Variants in CFAP299 observed in about 807,000 individuals in gnomAD.
CFAP299 encodes cilia- and flagella-associated protein 299.
Under a neutral mutation model 27.0 loss-of-function variants are expected in CFAP299, and 21 were observed. The ratio of observed to expected loss-of-function variants is 0.78; its 90% CI spans 0.55 to 1.12. The LOEUF (loss-of-function observed/expected upper bound fraction) is 1.12. CFAP299 is among the 50% of genes most tolerant of loss of function. The probability of loss-of-function intolerance (pLI) is 0.00; values close to 1 mark genes in which losing one functional copy is unlikely to be tolerated. For missense variants in CFAP299, 310 were observed against 276.6 expected (o/e 1.12, Z -0.86); for synonymous variants, 104 against 98.1 (o/e 1.06, Z -0.36).
intron 2 of CFAP299, among the ~76,000 whole-genome samples, chr4:80,549,205 T>C (rs1271038379): frequency 6.6e-6 from 1 of 152,096 alleles, no homozygotes; most frequent in Non-Finnish European, 1.5e-5. Flanking sequence ...TAAACTATTC[T>C]GGCTTCAGTA....
At chr4:80,694,790 G>C (rs190955078) in intron 3 of CFAP299, among the ~76,000 whole-genome samples, 3 of 152,280 alleles carry the variant, frequency 2.0e-5, no homozygotes, top group African/African-American at 7.2e-5. Flanking sequence ...GAAATTGCTA[G>C]TTTGTTTTTG....
At chr4:80,333,974 G>A (rs1017208317), upstream of CFAP299, among the ~76,000 whole-genome samples, 1 of 152,166 alleles carries the variant, frequency 6.6e-6, no homozygotes, top group Non-Finnish European at 1.5e-5. Context: ...AAGGACAATT[G>A]AGTTATACGC....
At chr4:80,637,530 A>G (rs1739510222) in intron 3 of CFAP299, among the ~76,000 whole-genome samples, 1 of 152,090 alleles carries the variant, frequency 6.6e-6, no homozygotes. Flanking sequence ...TGCAACCCAA[A>G]GATCGAGTTT....
At chr4:80,372,484 C>T (rs1274685341) in intron 2 of CFAP299, among the ~76,000 whole-genome samples, 1 of 152,218 alleles carries the variant, frequency 6.6e-6, no homozygotes, top group Non-Finnish European at 1.5e-5. Context: ...AGGAGAAAAG[C>T]CAAACTCTGG....
Position 80,664,282 on chromosome 4 carries a change from A to G in CFAP299, c.333+81099A>G, listed in dbSNP as rs533300349. On this transcript the variant is annotated intron_variant, in intron 3 of 5. Transcript: ENST00000358105. ...GCTCGAGCACTATGCTGGGAGATCCATTGCTCTCTTCAGATCCAGCAGGCA... is the reference window on the plus strand; with the variant it reads ...GCTCGAGCACTATGCTGGGAGATCCGTTGCTCTCTTCAGATCCAGCAGGCA... Among the ~76,000 whole-genome samples the G allele has an allele frequency of 2.6e-5, 4 of 152,198 alleles. No individual in the cohort carries two copies. The East Asian group carries it at 7.7e-4, about 29-fold the overall frequency.
At chr4:80,707,448 G>A (rs972013591) in intron 3 of CFAP299, among the ~76,000 whole-genome samples, 44 of 151,890 alleles carry the variant, frequency 2.9e-4, no homozygotes, top group African/African-American at 1.0e-3. Flanking sequence ...ACAATGTTAA[G>A]AAACCACCAC....
At chr4:80,427,634 C>T (rs1051662194) in intron 2 of CFAP299, among the ~76,000 whole-genome samples, 5 of 152,066 alleles carry the variant, frequency 3.3e-5, no homozygotes, top group South Asian at 4.1e-4. Flanking sequence ...TTATGTGGCC[C>T]GTGAAAGATT....
rs114084926 is a variant in CFAP299, at chr4:80,769,238, C to T, written c.334-100755C>T. Among the ~76,000 whole-genome samples, 1,093 of 152,228 alleles carry T rather than the reference C, an allele frequency of 7.2e-3. 9 individuals are homozygous for T. Among genetic ancestry groups the T allele is most frequent in the Middle Eastern group, 0.017 (5 of 294 alleles). On this transcript the variant is annotated intron_variant, in intron 3 of 5. Coordinates refer to ENST00000358105, the MANE Select transcript of CFAP299 (RefSeq NM_152770.3). Reference sequence around the variant, plus strand: ...AAGAATTGTTTTGTTCAATACACTACGGTATGACATGAGTATTACCCTATT... The same window carrying T: ...AAGAATTGTTTTGTTCAATACACTATGGTATGACATGAGTATTACCCTATT...
intron 2 of CFAP299, among the ~76,000 whole-genome samples, chr4:80,441,355 T>G (rs886137779): frequency 6.6e-6 from 1 of 152,190 alleles, no homozygotes; most frequent in Admixed American, 6.5e-5. Context: ...ACAGCGGATC[T>G]CTCTGCAGAA....
chr4:80,763,274 A>G (rs780073443), intron 3 of CFAP299, among the ~76,000 whole-genome samples: 3 of 152,182 alleles, frequency 2.0e-5, no homozygotes, highest in Non-Finnish European at 4.4e-5. Flanking sequence ...TACAAAATTA[A>G]TATGCAAAAA....
intron 2 of CFAP299, among the ~76,000 whole-genome samples, chr4:80,556,694 T>C (rs1352152930): frequency 6.6e-6 from 1 of 152,014 alleles, no homozygotes; most frequent in African/African-American, 2.4e-5. Context: ...GGAAAGTCTG[T>C]CAGATTTCAA....
intron 2 of CFAP299, among the ~76,000 whole-genome samples, chr4:80,556,155 C>G (rs1294576672): frequency 1.3e-5 from 2 of 151,996 alleles, no homozygotes; most frequent in Non-Finnish European, 1.5e-5. Flanking sequence ...AACACATAAG[C>G]CTTTAAATTG....
intron 2 of CFAP299, among the ~76,000 whole-genome samples, chr4:80,499,348 G>A (rs1578519625): frequency 1.3e-5 from 2 of 152,148 alleles, no homozygotes; most frequent in South Asian, 2.1e-4. Context: ...TGGATGCATC[G>A]TGTTTAGTTG....
intron 1 of CFAP299, among the ~76,000 whole-genome samples, chr4:80,351,127 A>C (rs970198882): frequency 4.6e-5 from 7 of 152,150 alleles, no homozygotes; most frequent in Non-Finnish European, 1.0e-4. Context: ...TATTACTAGA[A>C]ATGTTTAATG....
intron 3 of CFAP299, among the ~76,000 whole-genome samples, chr4:80,627,575 C>A (rs1254493558): frequency 6.6e-6 from 1 of 151,716 alleles, no homozygotes; most frequent in Non-Finnish European, 1.5e-5. Context: ...AGGCATGACC[C>A]TATATACAGA....
chr4:80,585,388 A>G (rs1017627041), intron 3 of CFAP299, among the ~76,000 whole-genome samples: 1 of 152,184 alleles, frequency 6.6e-6, no homozygotes, highest in African/African-American at 2.4e-5. Flanking sequence ...CTCTACTCCA[A>G]AGTTTACCTC....
intron 3 of CFAP299, among the ~76,000 whole-genome samples, chr4:80,618,094 A>G (rs972584881): frequency 1.3e-5 from 2 of 152,172 alleles, no homozygotes; most frequent in African/African-American, 4.8e-5. Flanking sequence ...TGTTGCAAAG[A>G]GGAAAGATCG....
chr4:80,608,045 T>G (rs761489656), intron 3 of CFAP299, among the ~76,000 whole-genome samples: 4 of 152,192 alleles, frequency 2.6e-5, no homozygotes, highest in Non-Finnish European at 5.9e-5. Flanking sequence ...AGCCAAAGTT[T>G]CTTTTTCAAT....
intron 4 of CFAP299, among the ~76,000 whole-genome samples, chr4:80,880,994 C>T (rs1355231596): frequency 1.3e-5 from 2 of 152,136 alleles, no homozygotes; most frequent in Non-Finnish European, 2.9e-5. Context: ...CTGTAGATGC[C>T]AGTCCTCTAA....
Sources: gnomAD v4.1 joint callset for allele counts (sites outside exome capture counted in the v4.1 genomes callset) on GRCh38, gnomAD v4.1.1 for gene constraint, MANE v1.5 for transcripts, NCBI Gene and HGNC (gene_info 2026-07-23, HGNC 2026-07-21) for gene names.